The following SENP6 variants were observed in gnomAD, a reference collection of about 807,000 sequenced individuals.
SENP6 encodes the protein SUMO specific peptidase 6, also known as sentrin-specific protease 6.
A neutral mutation model predicts 134.5 loss-of-function variants in SENP6; 41 were observed. The ratio of observed to expected loss-of-function variants is 0.30; its 90% CI spans 0.24 to 0.40. SENP6 has a LOEUF of 0.40. Among genes scored for constraint, SENP6 ranks in the 10% least tolerant of loss-of-function variants. The pLI is 1.00. For synonymous variants in SENP6, 395 were observed against 429.8 expected, an observed-to-expected ratio of 0.92 and a Z score of 1.00; for missense variants, 1,248 against 1,312.5, an observed-to-expected ratio of 0.95 and a Z score of 0.76.
Position 75,711,327 on chromosome 6 carries a change from G to C in SENP6, c.2821-1G>C. ...TATTAACAGTAGGCTGTCTTTTATA[G>C]GATGATAGCAGTGACGATGGATTCC... On this transcript the variant is annotated splice_acceptor_variant, in intron 20 of 23. Coordinates refer to ENST00000447266, the MANE Select transcript of SENP6 (RefSeq NM_015571.4). LOFTEE classifies it high-confidence loss of function. 1 of 1,608,690 alleles carries C rather than the reference G, an allele frequency of 6.2e-7. No individual in the cohort carries two copies. Among genetic ancestry groups the C allele is most frequent in the Non-Finnish European group, 8.5e-7 (1 of 1,176,052 alleles).
chr6:75,609,472 A>C (rs542950279), intron 1 of SENP6, among the ~76,000 whole-genome samples: 1 of 152,310 alleles, frequency 6.6e-6, no homozygotes, highest in African/African-American at 2.4e-5. Flanking sequence ...TGAAGGGGAG[A>C]GGGAGTAGAT....
intron 16 of SENP6, among the ~76,000 whole-genome samples, chr6:75,683,973 T>C (rs541569765): frequency 4.6e-5 from 7 of 152,230 alleles, no homozygotes; most frequent in Non-Finnish European, 8.8e-5. Flanking sequence ...ATTGAATCTA[T>C]ACATTACTTT....
rs1334653151 is a variant in SENP6, at chr6:75,677,216, T to C, written c.1808T>C (p.Ile603Thr). 6 of 1,601,028 alleles carry C rather than the reference T, an allele frequency of 3.7e-6. No homozygotes were observed. The highest frequency in any genetic ancestry group is 5.1e-6 in the Non-Finnish European group (6 of 1,174,414). The change falls in exon 14 of 24, where the codon ATC becomes ACC. Residue 603 changes from isoleucine (I) to threonine (T), a missense_variant. By Grantham distance (89) the Ile-to-Thr change is moderately conservative. Coordinates refer to ENST00000447266, the MANE Select transcript of SENP6 (RefSeq NM_015571.4). ...TGTACAAGAACCTATGAAGAGAGCA[T>C]CAAAGGAAGTTGTGGGCAAAAGGAA... Reference protein sequence around the residue: ...VACTRTYEESIKGSCGQKENK... With the variant: ...VACTRTYEESTKGSCGQKENK...
rs550432567 is a variant in SENP6, at chr6:75,602,539, G to C, written c.15G>C (p.Lys5Asn). 33 of 1,551,580 alleles carry C rather than the reference G, an allele frequency of 2.1e-5. No homozygotes were observed. The East Asian group carries it at 7.6e-4, about 36-fold the overall frequency. MAAG[K>N]SGGSAGEITF... is the part of the protein sequence containing the mutation. ...GGAGGAGGAAGATGGCGGCCGGCAA[G>C]AGCGGCGGTAGCGCAGGGGAGATTA... Residue 5 changes from lysine (K) to asparagine (N), a missense_variant, in exon 1 of 24, where the codon AAG (lysine) becomes AAC (asparagine). Physicochemically the swap from Lys to Asn is moderately conservative, Grantham distance 94. Coordinates refer to ENST00000447266, the MANE Select transcript of SENP6 (RefSeq NM_015571.4).
At chr6:75,707,133 T>C (rs1775453698) in intron 19 of SENP6, among the ~76,000 whole-genome samples, 1 of 152,148 alleles carries the variant, frequency 6.6e-6, no homozygotes, top group Non-Finnish European at 1.5e-5. Context: ...ATTTCTGGTT[T>C]AGTTTGTGTA....
chr6:75,624,352 T>C (rs941045770), intron 3 of SENP6, among the ~76,000 whole-genome samples: 12 of 152,224 alleles, frequency 7.9e-5, no homozygotes, highest in African/African-American at 2.2e-4. Context: ...TTGTCAACTT[T>C]TTAATTTTTT....
intron 10 of SENP6, among the ~76,000 whole-genome samples, chr6:75,668,273 C>T (rs1447586278): frequency 1.3e-5 from 2 of 151,570 alleles, no homozygotes; most frequent in Non-Finnish European, 2.9e-5. Flanking sequence ...CATGGTAGCA[C>T]GAGCAAAAGT....
At chr6:75,710,509 T>A (rs996933851) in intron 20 of SENP6, among the ~76,000 whole-genome samples, 3 of 152,212 alleles carry the variant, frequency 2.0e-5, no homozygotes, top group Non-Finnish European at 4.4e-5. Flanking sequence ...TCTTTCCTTT[T>A]TGCTTAATCT....
intron 10 of SENP6, among the ~76,000 whole-genome samples, chr6:75,669,170 T>G (rs901217154): frequency 3.9e-5 from 6 of 152,038 alleles, no homozygotes; most frequent in Admixed American, 2.0e-4. Context: ...GCCAACATGG[T>G]GAAACTCTGT....
Position 75,621,776 on chromosome 6 carries a change from A to G in SENP6, c.146+151A>G, listed in dbSNP as rs1036327251. On this transcript the variant is annotated intron_variant, in intron 2 of 23. Coordinates refer to ENST00000447266, the MANE Select transcript of SENP6 (RefSeq NM_015571.4). ...AGTCGCTTTAAGGAAAGAAAAAGCA[A>G]TTCCTTATTGATAAATAATTTTACT... 8 of 527,336 alleles carry G rather than the reference A, an allele frequency of 1.5e-5. No homozygotes were observed. The African/African-American group carries it at 1.6e-4, about 10-fold the overall frequency. The allele number at this position is 527,336 out of a possible 1,614,324, so 32.7% of individuals were successfully genotyped here.
At position 75,709,517 on chromosome 6, in the gene SENP6, A is replaced by G; in HGVS notation, c.2717-10A>G. ...CCTTTTTTATTATGTAATGTTTCTTATTGATACAGATGGCTTAAGCAAAAT... is the reference window on the plus strand; with the variant it reads ...CCTTTTTTATTATGTAATGTTTCTTGTTGATACAGATGGCTTAAGCAAAAT... On this transcript the variant is annotated splice_polypyrimidine_tract_variant and intron_variant, in intron 19 of 23. Coordinates refer to ENST00000447266, the MANE Select transcript of SENP6 (RefSeq NM_015571.4). 1 of 1,595,736 alleles carries G rather than the reference A, an allele frequency of 6.3e-7. No individual in the cohort carries two copies. The highest frequency in any genetic ancestry group is 8.6e-7 in the Non-Finnish European group (1 of 1,163,542).
At chr6:75,666,367 C>T (rs954371503) in intron 9 of SENP6, among the ~76,000 whole-genome samples, 1 of 149,548 alleles carries the variant, frequency 6.7e-6, no homozygotes, top group African/African-American at 2.4e-5. Flanking sequence ...TTTTTTACAC[C>T]TTAAATTTTT....
At chr6:75,667,215 A>G (rs1772308295) in intron 10 of SENP6, among the ~76,000 whole-genome samples, 1 of 152,226 alleles carries the variant, frequency 6.6e-6, no homozygotes, top group African/African-American at 2.4e-5. Flanking sequence ...TTCTTATAAA[A>G]TCTAGCAGAG....
chr6:75,657,687 C>T (rs1157856172), intron 7 of SENP6, among the ~76,000 whole-genome samples: 1 of 152,154 alleles, frequency 6.6e-6, no homozygotes, highest in African/African-American at 2.4e-5. Flanking sequence ...AATTTCTGCT[C>T]TTCCCAGAGC....
intron 7 of SENP6, among the ~76,000 whole-genome samples, chr6:75,655,671 C>G (rs1351645735): frequency 6.6e-6 from 1 of 152,148 alleles, no homozygotes; most frequent in Admixed American, 6.5e-5. Flanking sequence ...ATGAGTATAA[C>G]AAGTTATTTA....
intron 11 of SENP6, 121 bp from the exon 12 acceptor site, chr6:75,675,314 C>T: frequency 3.4e-6 from 2 of 583,634 alleles, no homozygotes; most frequent in South Asian, 2.2e-5. Context: ...ATACCAACTT[C>T]TCTGTGGGAT....
At chr6:75,705,891 A>G (rs1280222466) in intron 19 of SENP6, among the ~76,000 whole-genome samples, 1 of 100,548 alleles carries the variant, frequency 9.9e-6, no homozygotes, top group African/African-American at 3.7e-5. Context: ...ACCAGCTTAT[A>G]TTATTTTAGT....
intron 7 of SENP6, among the ~76,000 whole-genome samples, chr6:75,658,032 G>T (rs1771479362): frequency 6.6e-6 from 1 of 152,172 alleles, no homozygotes; most frequent in East Asian, 1.9e-4. Flanking sequence ...TAGTGGGGAA[G>T]GATTTAAGGG....
At chr6:75,652,697 A>AAAAAG (rs1770982753) in intron 7 of SENP6, among the ~76,000 whole-genome samples, 1 of 147,808 alleles carries the variant, frequency 6.8e-6, no homozygotes, top group Non-Finnish European at 1.5e-5. Flanking sequence ...AAAAAAAAAA[A>AAAAAG]AAAAAAGAAA....
Sources: gnomAD v4.1 joint callset for allele counts (sites outside exome capture counted in the v4.1 genomes callset) on GRCh38, gnomAD v4.1.1 for gene constraint, MANE v1.5 for transcripts, NCBI Gene and HGNC (gene_info 2026-07-23, HGNC 2026-07-21) for gene names.